Variants in GYS2 observed in about 807,000 individuals in gnomAD.
The protein encoded by GYS2 is glycogen synthase 2.
Under a neutral mutation model 85.6 loss-of-function variants are expected in GYS2, and 80 were observed. That is an observed-to-expected ratio of 0.93 (90% confidence interval 0.78 to 1.13). GYS2 has a LOEUF of 1.13. GYS2 is among the 50% of genes most tolerant of loss of function. The pLI is 0.00. For missense variants in GYS2, 881 were observed against 854.9 expected (o/e 1.03, Z -0.38); for synonymous variants, 328 against 300.7 (o/e 1.09, Z -0.94).
In GYS2 at chr12:21,580,556, C is replaced by T. The variant is rs373788905; in HGVS notation, c.122-33G>A. 21 of 1,535,492 alleles carry T rather than the reference C, an allele frequency of 1.4e-5. No individual in the cohort carries two copies. The African/African-American group carries it at 2.7e-4, about 20-fold the overall frequency. Reference sequence around the variant, plus strand: ...AAGGAAAAAAGTTTCTATTATCATTCAGGTTAGCAATTTGTTTAAAGTAAT... The same window carrying T: ...AAGGAAAAAAGTTTCTATTATCATTTAGGTTAGCAATTTGTTTAAAGTAAT... On this transcript the variant is annotated intron_variant, in intron 1 of 15. Coordinates refer to ENST00000261195, the MANE Select transcript of GYS2 (RefSeq NM_021957.4).
intron 1 of GYS2, among the ~76,000 whole-genome samples, chr12:21,584,289 G>T (rs1319802211): frequency 6.6e-6 from 1 of 152,178 alleles, no homozygotes; most frequent in East Asian, 1.9e-4. Flanking sequence ...CTGGAAAATT[G>T]ATGACAAAGA....
intron 1 of GYS2, among the ~76,000 whole-genome samples, chr12:21,590,261 G>A (rs186602384): frequency 3.1e-4 from 47 of 152,202 alleles, no homozygotes; most frequent in Non-Finnish European, 3.1e-4. Flanking sequence ...TATGATAGCC[G>A]GTGTCCACAC....
intron 1 of GYS2, 23 bp downstream of exon 1, chr12:21,604,449 C>G: frequency 2.1e-6 from 3 of 1,415,606 alleles, no homozygotes; most frequent in Non-Finnish European, 3.0e-6. Flanking sequence ...GTGTACTGAT[C>G]CACCTTCAGG....
intron 1 of GYS2, among the ~76,000 whole-genome samples, chr12:21,596,601 AG>A (rs1351697847): frequency 6.6e-6 from 1 of 152,176 alleles, no homozygotes; most frequent in Admixed American, 6.5e-5. Flanking sequence ...GACATACCTC[AG>A]TGTAATAAAA....
At chr12:21,582,260 G>A (rs1391184606) in intron 1 of GYS2, among the ~76,000 whole-genome samples, 2 of 152,132 alleles carry the variant, frequency 1.3e-5, no homozygotes, top group Non-Finnish European at 2.9e-5. Flanking sequence ...TGTTACCAAA[G>A]GAGATTAATA....
chr12:21,571,598 G>A (rs1311556229), intron 4 of GYS2, among the ~76,000 whole-genome samples: 2 of 152,052 alleles, frequency 1.3e-5, no homozygotes, highest in African/African-American at 4.8e-5. Context: ...ATTGTCCATG[G>A]CTTCCTTCCC....
At chr12:21,533,457 C>A (rs2136826167), downstream of GYS2, among the ~76,000 whole-genome samples, 1 of 152,326 alleles carries the variant, frequency 6.6e-6, no homozygotes, top group African/African-American at 2.4e-5. Context: ...TAACTTCATT[C>A]TGTTCGGTCG....
chr12:21,552,118 A>G (rs1400791011), intron 11 of GYS2, among the ~76,000 whole-genome samples: 1 of 152,232 alleles, frequency 6.6e-6, no homozygotes, highest in Admixed American at 6.5e-5. Flanking sequence ...ATCCTGTACA[A>G]AAATCGCCCA....
chr12:21,594,195 A>G (rs1195940286), intron 1 of GYS2, among the ~76,000 whole-genome samples: 1 of 152,162 alleles, frequency 6.6e-6, no homozygotes, highest in African/African-American at 2.4e-5. Context: ...GAAACAAAAT[A>G]AGGATGCCCA....
rs970380044 is a variant in GYS2, at chr12:21,589,756, A to G, written c.122-9233T>C. 2.0e-5 allele frequency among the ~76,000 whole-genome samples: 3 copies of G among 152,250 alleles called. No homozygotes were observed. In the East Asian group the frequency reaches 5.8e-4, roughly 29 times the overall value. On this transcript the variant is annotated intron_variant, in intron 1 of 15. Transcript: ENST00000261195. ...CCTTGACCATGCAGGCCTTGAGACT[A>G]TCATAAGGAACTGCCCAGCAATCGC...
chr12:21,569,819 C>T (rs765323586), intron 4 of GYS2, among the ~76,000 whole-genome samples: 10 of 152,308 alleles, frequency 6.6e-5, no homozygotes, highest in Admixed American at 2.0e-4. Context: ...CACTCCACTA[C>T]GCACAATAAC....
chr12:21,563,455 T>C (rs1278017298), intron 5 of GYS2, 110 bp from the exon 6 acceptor site: 2 of 678,198 alleles, frequency 2.9e-6, no homozygotes, highest in East Asian at 2.6e-5. Context: ...GACATTCTAC[T>C]TTCTGACTAC....
In GYS2 at chr12:21,536,851, G is replaced by A; in HGVS notation, c.*103C>T. 1.3e-6 allele frequency: 1 copy of A among 799,746 alleles called. No individual in the cohort carries two copies. The highest frequency in any genetic ancestry group is 2.1e-6 in the Non-Finnish European group (1 of 466,900). The allele number at this position is 799,746 out of a possible 1,614,324, so 49.5% of individuals were successfully genotyped here. On this transcript the variant is annotated 3_prime_UTR_variant, in exon 16 of 16. Transcript: ENST00000261195. The stretch of plus-strand genomic sequence containing the variant: ...TTTTAGGCAGAGAATAAACTCCATT[G>A]TAATACTTAGAAGGAGAAAATGAAA...
chr12:21,552,238 G>A (rs1333868119), intron 11 of GYS2, among the ~76,000 whole-genome samples: 3 of 152,204 alleles, frequency 2.0e-5, no homozygotes, highest in Non-Finnish European at 2.9e-5. Flanking sequence ...ACAGAAGTAA[G>A]GTCTCAGGAA....
intron 1 of GYS2, among the ~76,000 whole-genome samples, chr12:21,594,100 CAATAT>C (rs1944669552): frequency 2.0e-5 from 3 of 152,068 alleles, no homozygotes; most frequent in Admixed American, 2.0e-4. Flanking sequence ...GAACATATCT[CAATAT>C]AATAAAAGTC....
intron 1 of GYS2, among the ~76,000 whole-genome samples, chr12:21,591,892 T>C (rs974231781): frequency 6.6e-6 from 1 of 152,048 alleles, no homozygotes; most frequent in Non-Finnish European, 1.5e-5. Flanking sequence ...CCCAGCAACA[T>C]TGTTCTTCAA....
chr12:21,539,200 T>C, intron 15 of GYS2, 58 bp downstream of exon 15: 3 of 939,660 alleles, frequency 3.2e-6, no homozygotes, highest in South Asian at 1.3e-5. Flanking sequence ...TTTAAATGTA[T>C]TATTTAAACT....
chr12:21,541,283 A>AAAAAAAAAG (rs1943971944), intron 13 of GYS2, among the ~76,000 whole-genome samples: 1 of 144,446 alleles, frequency 6.9e-6, no homozygotes, highest in Non-Finnish European at 1.5e-5. Context: ...AAAAAAAAAA[A>AAAAAAAAAG]AAAAAAAACA....
intron 11 of GYS2, among the ~76,000 whole-genome samples, chr12:21,553,541 C>A (rs1299230661): frequency 1.3e-5 from 2 of 152,146 alleles, no homozygotes; most frequent in South Asian, 4.1e-4. Flanking sequence ...GTCATTTCTG[C>A]CCAACAGGTG....
Sources: gnomAD v4.1 joint callset for allele counts (sites outside exome capture counted in the v4.1 genomes callset) on GRCh38, gnomAD v4.1.1 for gene constraint, MANE v1.5 for transcripts, NCBI Gene and HGNC (gene_info 2026-07-23, HGNC 2026-07-21) for gene names.